The following SSU72 variants were observed in gnomAD, a reference collection of about 807,000 sequenced individuals.
SSU72 encodes the protein RNA polymerase II subunit A C-terminal domain phosphatase SSU72.
SSU72 carries 12 observed loss-of-function variants against 22.7 expected under a neutral mutation model. That is an observed-to-expected ratio of 0.53 (90% CI 0.34 to 0.86). The LOEUF (loss-of-function observed/expected upper bound fraction) is 0.86, where lower values mean the gene tolerates loss of function less well. Ranked by LOEUF, SSU72 falls within the 40% of genes least tolerant of loss-of-function variation. The pLI, the probability that SSU72 is intolerant of heterozygous loss-of-function variation, is 0.02. For synonymous variants in SSU72, 116 were observed against 98.3 expected (o/e 1.18, Z -1.06); for missense variants, 151 against 249.8 (o/e 0.60, Z 2.67).
chr1:1,574,319 G>A (rs919313802), intron 1 of SSU72, among the ~76,000 whole-genome samples, 159 bp downstream of exon 1: 2 of 152,242 alleles, frequency 1.3e-5, no homozygotes, highest in East Asian at 3.9e-4. Flanking sequence ...TGTGGACTAC[G>A]CGCGCTGCCG....
chr1:1,559,482 C>T (rs1436592127), intron 2 of SSU72, among the ~76,000 whole-genome samples: 1 of 152,190 alleles, frequency 6.6e-6, no homozygotes, highest in African/African-American at 2.4e-5. Flanking sequence ...CTTGATAAAA[C>T]GGTCAGTCCA....
In SSU72 at chr1:1,542,114, G is replaced by T. The variant is rs982686229; in HGVS notation, c.537C>A (p.Phe179Leu). 8 of 1,595,396 alleles carry T rather than the reference G, an allele frequency of 5.0e-6. No homozygotes were observed. Among genetic ancestry groups the T allele is most frequent in the Non-Finnish European group, 6.8e-6 (8 of 1,171,372 alleles). ...ENEIDELLQE[F>L]EEKSGRTFLH... ...GAAAGGTGCGGCCACTCTTCTCCTCGAACTCCTGCAGCAGCTCGTCGATCT... is the reference window on the plus strand; with the variant it reads ...GAAAGGTGCGGCCACTCTTCTCCTCTAACTCCTGCAGCAGCTCGTCGATCT... The change falls in exon 5 of 5, where the codon TTC (phenylalanine) becomes TTA (leucine). Residue 179 changes from phenylalanine (F) to leucine (L), a missense_variant. Phe to Leu is a conservative substitution (Grantham distance 22). Transcript: ENST00000291386. The surrounding 1 kb of genome is among the most constrained non-coding windows in gnomAD (Gnocchi z 4.4).
At chr1:1,569,621 G>A (rs980041298) in intron 1 of SSU72, among the ~76,000 whole-genome samples, 18 of 152,098 alleles carry the variant, frequency 1.2e-4, no homozygotes, top group African/African-American at 4.1e-4. Flanking sequence ...TTGCTGCCCC[G>A]TCTCCCAAGC....
intron 1 of SSU72, 112 bp downstream of exon 1, chr1:1,574,366 G>A (rs1472103519): frequency 6.8e-6 from 8 of 1,173,242 alleles, no homozygotes; most frequent in African/African-American, 1.6e-5. Flanking sequence ...CCACGAGCGC[G>A]GCCCGGCCCG....
chr1:1,562,419 C>G (rs1205625550), intron 2 of SSU72: 1 of 152,282 alleles, frequency 6.6e-6, no homozygotes, highest in Admixed American at 6.5e-5. Context: ...TGGGAAGACC[C>G]AGCCCCAAAC....
intron 2 of SSU72, among the ~76,000 whole-genome samples, chr1:1,557,934 G>C (rs1407690434): frequency 1.3e-5 from 2 of 152,128 alleles, no homozygotes; most frequent in African/African-American, 4.8e-5. Context: ...ACACAGGCCA[G>C]GTGCAGTGGC....
intron 1 of SSU72, among the ~76,000 whole-genome samples, chr1:1,571,070 CCT>C (rs1642724413): frequency 6.6e-6 from 1 of 152,032 alleles, no homozygotes; most frequent in Admixed American, 6.6e-5. Flanking sequence ...ACGGTGAAAC[CCT>C]GACTCTACTA....
chr1:1,564,923 G>C lies in SSU72; in HGVS notation c.81-7C>G. 6.3e-7 allele frequency: 1 copy of C among 1,584,166 alleles called. No individual in the cohort carries two copies. The highest frequency in any genetic ancestry group is 1.8e-5 in the Admixed American group (1 of 54,842). On this transcript the variant is annotated splice_polypyrimidine_tract_variant and splice_region_variant and intron_variant, in intron 1 of 4. Transcript: ENST00000291386. ...GACGCTGAATCCCCGTTTGCTGAAAGACAAAAGGAGAGAAAGAATCACAGT... is the reference window on the plus strand; with the variant it reads ...GACGCTGAATCCCCGTTTGCTGAAACACAAAAGGAGAGAAAGAATCACAGT...
At chr1:1,543,050 A>ACAGAGGCAGAGG (rs754419403) in intron 4 of SSU72, among the ~76,000 whole-genome samples, 2 of 151,210 alleles carry the variant, frequency 1.3e-5, no homozygotes, top group Admixed American at 6.6e-5. Context: ...TCATCAAATC[A>ACAGAGGCAGAGG]CAGAGGCAGA....
intron 1 of SSU72, among the ~76,000 whole-genome samples, chr1:1,573,750 G>A (rs984634615): frequency 6.6e-6 from 1 of 152,128 alleles, no homozygotes; most frequent in Non-Finnish European, 1.5e-5. Flanking sequence ...TAACTTTGGA[G>A]GTAAAAAAGC....
intron 1 of SSU72, among the ~76,000 whole-genome samples, chr1:1,573,429 CAAA>C (rs56930035): frequency 1.0e-4 from 11 of 107,448 alleles, no homozygotes; most frequent in South Asian, 2.4e-4. Flanking sequence ...GACTCTGTCT[CAAA>C]AAAAAAAAAA....
At chr1:1,552,158 C>T (rs1030200826) in intron 2 of SSU72, among the ~76,000 whole-genome samples, 28 of 152,170 alleles carry the variant, frequency 1.8e-4, no homozygotes, top group African/African-American at 5.5e-4. Context: ...GCCGCGTGGA[C>T]GCAGGGCCAC....
chr1:1,555,695 A>G (rs1642512901), intron 2 of SSU72, among the ~76,000 whole-genome samples: 1 of 152,208 alleles, frequency 6.6e-6, no homozygotes. Flanking sequence ...TTCCATGTCA[A>G]CGTATCAAGA....
At chr1:1,552,545 C>T (rs539453180) in intron 2 of SSU72, among the ~76,000 whole-genome samples, 2 of 150,508 alleles carry the variant, frequency 1.3e-5, no homozygotes, top group East Asian at 1.9e-4. Context: ...GCCCCCAGCT[C>T]AGAGCCTGAG....
chr1:1,564,433 G>A, intron 2 of SSU72: 1 of 1,447,102 alleles, frequency 6.9e-7, no homozygotes, highest in East Asian at 2.5e-5. Flanking sequence ...GGAAATAACG[G>A]GGCAGCCCTG....
At chr1:1,559,268 G>C (rs1449268549) in intron 2 of SSU72, among the ~76,000 whole-genome samples, 1 of 152,182 alleles carries the variant, frequency 6.6e-6, no homozygotes. Context: ...GGACGGTGTG[G>C]AACGGGCGGA....
chr1:1,543,909 G>C lies in SSU72; in HGVS notation c.443C>G (p.Ala148Gly). 1 of 1,613,980 alleles carries C rather than the reference G, an allele frequency of 6.2e-7. No homozygotes were observed. ...ACAGATGAGAAACGCCCCCAGGGTG[G>C]CCTCCTCGTGGTTGTCCTGGATGTC... ...NVDIQDNHEE[A>G]TLGAFLICEL... Residue 148 changes from alanine to glycine, a missense_variant, in exon 4 of 5, where the codon GCC becomes GGC. Transcript: ENST00000291386.
At chr1:1,544,725 G>T in intron 3 of SSU72, 138 bp downstream of exon 3, 1 of 1,239,126 alleles carries the variant, frequency 8.1e-7, no homozygotes. Flanking sequence ...CTGCCTTCCA[G>T]GGTGCTTCAC....
rs1032582228 is a variant in SSU72 at position 1,555,674 on chromosome 1, C to T, written c.224+9099G>A. 5.3e-5 allele frequency among the ~76,000 whole-genome samples: 8 copies of T among 152,314 alleles called. 1 individual carries two copies. The highest frequency in any genetic ancestry group is 1.9e-4 in the East Asian group (1 of 5,186). Reference sequence around the variant, plus strand: ...CTCACCACACTATGCCACAAGCTTGCCAGCTACCACTTCCATGTCAACGTA... The same window carrying T: ...CTCACCACACTATGCCACAAGCTTGTCAGCTACCACTTCCATGTCAACGTA... On this transcript the variant is annotated intron_variant, in intron 2 of 4. Transcript: ENST00000291386.
Sources: gnomAD v4.1 joint callset for allele counts (sites outside exome capture counted in the v4.1 genomes callset) on GRCh38, gnomAD v4.1.1 for gene constraint, Gnocchi (gnomAD v3.1) non-coding constraint, MANE v1.5 for transcripts, NCBI Gene and HGNC (gene_info 2026-07-23, HGNC 2026-07-21) for gene names.